Variants in CAAP1 observed in about 807,000 individuals in gnomAD.
The protein encoded by CAAP1 is conserved anti-apoptotic protein.
In CAAP1, 20 loss-of-function variants were observed where a neutral mutation model predicts 34.0. That is an observed-to-expected ratio of 0.59 (90% CI 0.41 to 0.86). The LOEUF is 0.86. CAAP1 is among the 40% of genes least tolerant of loss of function. The pLI, the probability that CAAP1 is intolerant of heterozygous loss-of-function variation, is 0.00. For synonymous variants in CAAP1, 213 were observed against 166.7 expected (o/e 1.28, Z -2.14); for missense variants, 538 against 450.5 (o/e 1.19, Z -1.76).
At position 26,840,989 on chromosome 9, in the gene CAAP1, A is replaced by G. The variant is rs1290343480; in HGVS notation, c.*1312T>C. 1 of 152,122 alleles carries G rather than the reference A, an allele frequency of 6.6e-6. No individual in the cohort carries two copies. The highest frequency in any genetic ancestry group is 1.5e-5 in the Non-Finnish European group (1 of 68,018). The allele number at this position is 152,122 out of a possible 1,614,324, so 9.4% of individuals were successfully genotyped here. A position where few individuals can be genotyped will look rare whatever the true frequency, so the allele number is the denominator to read the frequency against. ...TATTAGAAAGATTTATGGAGGGGGAAAAAATGGTAGAATTATTCCAAGGCA... is the reference window on the plus strand; with the variant it reads ...TATTAGAAAGATTTATGGAGGGGGAGAAAATGGTAGAATTATTCCAAGGCA... On this transcript the variant is annotated 3_prime_UTR_variant, in exon 6 of 6. Coordinates refer to ENST00000333916, the MANE Select transcript of CAAP1 (RefSeq NM_024828.4).
chr9:26,892,198 T>G, intron 1 of CAAP1: 1 of 1,315,316 alleles, frequency 7.6e-7, no homozygotes. Flanking sequence ...AAAAAAGTGA[T>G]CAGGAAATCC....
At chr9:26,884,946 T>C (rs959389863) in intron 3 of CAAP1, 61 bp from the exon 4 acceptor site, 2 of 1,229,338 alleles carry the variant, frequency 1.6e-6, no homozygotes, top group Middle Eastern at 1.9e-4. Flanking sequence ...GATGCAATCA[T>C]GACATTAAAA....
In CAAP1 at chr9:26,884,850, C is replaced by T. The variant is rs543445973; in HGVS notation, c.625G>A (p.Ala209Thr). 2 of 1,609,580 alleles carry T rather than the reference C, an allele frequency of 1.2e-6. No homozygotes were observed. The highest frequency in any genetic ancestry group is 2.2e-5 in the South Asian group (2 of 90,970). The change falls in exon 4 of 6, where the codon GCA (alanine) becomes ACA (threonine). Residue 209 changes from alanine to threonine, a missense_variant. By Grantham distance (58) the Ala-to-Thr change is moderately conservative. Around this residue, in one of 3 missense-constraint regions of CAAP1, gnomAD observed 514 missense variants for 408.4 expected, o/e 1.26. Coordinates refer to ENST00000333916, the MANE Select transcript of CAAP1 (RefSeq NM_024828.4). ...GATCCCATCTTAGAACCATCATCTG[C>T]TTCCTCTTCCATATCAGAGTCCATT... The part of the protein sequence containing the change: ...NGMDSDMEEE[A>T]DDGSKMGSDL...
At chr9:26,874,274 G>A (rs1823366683) in intron 4 of CAAP1, among the ~76,000 whole-genome samples, 1 of 149,536 alleles carries the variant, frequency 6.7e-6, no homozygotes, top group South Asian at 2.1e-4. Flanking sequence ...TATTTATGGA[G>A]TATATGTGAT....
In CAAP1 at chr9:26,840,798, A is replaced by T. The variant is rs1822459606; in HGVS notation, c.*1503T>A. ...TTTTGTAGTTAGTAAGCAGCAATAA[A>T]GTTTATTCTGTACTACTTTAGCATA... is the stretch of plus-strand genomic sequence containing the variant. On this transcript the variant is annotated 3_prime_UTR_variant, in exon 6 of 6. Coordinates refer to ENST00000333916, the MANE Select transcript of CAAP1 (RefSeq NM_024828.4). 6.6e-6 allele frequency: 1 copy of T among 152,204 alleles called. No homozygotes were observed. Among genetic ancestry groups the T allele is most frequent in the African/African-American group, 2.4e-5 (1 of 41,460 alleles). 9.4% of individuals were successfully genotyped at this position (152,204 alleles called of 1,614,324 possible).
rs142254346 is a variant in CAAP1, at chr9:26,853,895, A to G, written c.739+7171T>C. 9.7e-3 allele frequency among the ~76,000 whole-genome samples: 1,472 copies of G among 152,278 alleles called. 18 individuals are homozygous for G. Among genetic ancestry groups the G allele is most frequent in the African/African-American group, 0.033 (1,385 of 41,552 alleles). On this transcript the variant is annotated intron_variant, in intron 5 of 5. Coordinates refer to ENST00000333916, the MANE Select transcript of CAAP1 (RefSeq NM_024828.4). ...AGACAAGTTCTTTCCAGATCCAGACATATTTATCTTTCTATCCCTAGTGCC... is the reference window on the plus strand; with the variant it reads ...AGACAAGTTCTTTCCAGATCCAGACGTATTTATCTTTCTATCCCTAGTGCC...
intron 4 of CAAP1, among the ~76,000 whole-genome samples, chr9:26,882,508 T>C (rs1214931560): frequency 1.3e-5 from 2 of 152,154 alleles, no homozygotes; most frequent in African/African-American, 2.4e-5. Flanking sequence ...AGAGGATGTA[T>C]GGAAACACCT....
intron 5 of CAAP1, among the ~76,000 whole-genome samples, chr9:26,847,333 G>C (rs2131295803): frequency 7.1e-6 from 1 of 140,570 alleles, no homozygotes; most frequent in East Asian, 2.3e-4. Flanking sequence ...TCCCGCCTCA[G>C]CCTCCCAAGT....
chr9:26,842,006 C>A lies in CAAP1; in HGVS notation c.*295G>T, dbSNP rs1046201184. On this transcript the variant is annotated 3_prime_UTR_variant, in exon 6 of 6. Coordinates refer to ENST00000333916, the MANE Select transcript of CAAP1 (RefSeq NM_024828.4). The stretch of plus-strand genomic sequence containing the variant: ...TTTAAAAATAAAGAAAAAAATACCA[C>A]GACTCTTTGCTAATGGCTTTTAAGA... The A allele has an allele frequency of 4.4e-6, 1 of 224,812 alleles. No individual in the cohort carries two copies. Among genetic ancestry groups the A allele is most frequent in the East Asian group, 9.5e-5 (1 of 10,520 alleles). 13.9% of individuals were successfully genotyped at this position (224,812 alleles called of 1,614,324 possible).
At chr9:26,844,325 C>G (rs7859608) in intron 5 of CAAP1, among the ~76,000 whole-genome samples, 9 of 152,096 alleles carry the variant, frequency 5.9e-5, no homozygotes, top group African/African-American at 2.2e-4. Context: ...CCATTGCACT[C>G]CAGCCTGGGC....
chr9:26,891,716 G>A (rs894166403), intron 1 of CAAP1, among the ~76,000 whole-genome samples: 6 of 152,178 alleles, frequency 3.9e-5, no homozygotes, highest in Admixed American at 1.3e-4. Flanking sequence ...TACAGCTTAA[G>A]TGTAGGAACT....
In CAAP1 at chr9:26,842,445, G is replaced by A. The variant is rs1328430014; in HGVS notation, c.942C>T (p.Asn314=). ...EILGLAESSP[N]EPKAATLAVP... ...CAGCCAGGGTGGCTGCTTTGGGTTC[G>A]TTTGGGCTAGACTCTGCCAGTCCTA... Residue 314 remains asparagine (N), a synonymous_variant, in exon 6 of 6, where the codon AAC becomes AAT. Transcript: ENST00000333916. The A allele has an allele frequency of 6.8e-6, 11 of 1,614,018 alleles. No individual in the cohort carries two copies. The highest frequency in any genetic ancestry group is 2.2e-5 in the East Asian group (1 of 44,890).
intron 5 of CAAP1, among the ~76,000 whole-genome samples, chr9:26,851,111 C>A (rs1240365689): frequency 6.6e-6 from 1 of 152,150 alleles, no homozygotes; most frequent in African/African-American, 2.4e-5. Flanking sequence ...AAGTAGGTGA[C>A]AAAATATTTG....
chr9:26,888,671 T>C, intron 1 of CAAP1, among the ~76,000 whole-genome samples: 1 of 152,344 alleles, frequency 6.6e-6, no homozygotes, highest in Non-Finnish European at 1.5e-5. Context: ...GAATATAAAA[T>C]TGTGCAGCTA....
intron 4 of CAAP1, among the ~76,000 whole-genome samples, chr9:26,873,637 T>C (rs564579268): frequency 6.6e-6 from 1 of 152,144 alleles, no homozygotes; most frequent in African/African-American, 2.4e-5. Flanking sequence ...TTAACTGGAA[T>C]AAAGCTTTTT....
At chr9:26,856,739 T>TA (rs1822878619) in intron 5 of CAAP1, among the ~76,000 whole-genome samples, 1 of 152,176 alleles carries the variant, frequency 6.6e-6, no homozygotes, top group Non-Finnish European at 1.5e-5. Context: ...TCCAAGGCCA[T>TA]ACAGAAAAAA....
At chr9:26,876,387 A>T (rs956267934) in intron 4 of CAAP1, among the ~76,000 whole-genome samples, 3 of 151,896 alleles carry the variant, frequency 2.0e-5, no homozygotes, top group African/African-American at 7.3e-5. Flanking sequence ...TTGAAAGTAC[A>T]TATTCACAGA....
intron 2 of CAAP1, 120 bp from the exon 3 acceptor site, chr9:26,886,308 T>C (rs775507966): frequency 2.1e-5 from 9 of 427,148 alleles, no homozygotes; most frequent in Non-Finnish European, 3.3e-5. Context: ...AATTAAAGCC[T>C]CAAGTAGATT....
chr9:26,871,360 C>T (rs955588506), intron 4 of CAAP1, among the ~76,000 whole-genome samples: 2 of 152,008 alleles, frequency 1.3e-5, no homozygotes, highest in Admixed American at 6.6e-5. Context: ...GGCAGACCAC[C>T]TGAGTTCAGG....
Sources: gnomAD v4.1 joint callset for allele counts (sites outside exome capture counted in the v4.1 genomes callset) on GRCh38, gnomAD v4.1.1 for gene constraint, gnomAD v4.1.1 regional missense constraint, MANE v1.5 for transcripts, NCBI Gene and HGNC (gene_info 2026-07-23, HGNC 2026-07-21) for gene names.